The following PTPRD variants were observed in gnomAD, a reference collection of about 807,000 sequenced individuals.
PTPRD encodes receptor-type tyrosine-protein phosphatase delta.
In PTPRD, 34 loss-of-function variants were observed where a neutral mutation model predicts 214.5. That is an observed-to-expected ratio of 0.16 (90% CI 0.12 to 0.21). The LOEUF (loss-of-function observed/expected upper bound fraction) is 0.21. Among genes scored for constraint, PTPRD ranks in the 10% least tolerant of loss-of-function variants. The pLI, the probability that PTPRD is intolerant of heterozygous loss-of-function variation, is 1.00. For missense variants in PTPRD, 2,545 were observed against 2,398.7 expected (o/e 1.06, Z -1.27); for synonymous variants, 1,128 against 845.7 (o/e 1.33, Z -5.79).
chr9:10,439,084 C>T lies in PTPRD; in HGVS notation c.-599-98067G>A, dbSNP rs528329616. ...GTGCTTGTCCGTTGGAGCTTACCTT[C>T]ACTTGCCACTGAGAATTCCTCTGCC... On this transcript the variant is annotated intron_variant, in intron 2 of 45. Coordinates refer to ENST00000381196, the MANE Select transcript of PTPRD (RefSeq NM_002839.4). 2.0e-5 allele frequency among the ~76,000 whole-genome samples: 3 copies of T among 151,962 alleles called. No individual in the cohort carries two copies. In the South Asian group the frequency reaches 6.2e-4, roughly 31 times the overall value.
intron 6 of PTPRD, among the ~76,000 whole-genome samples, chr9:9,743,116 C>A (rs552473751): frequency 2.0e-5 from 3 of 152,138 alleles, no homozygotes; most frequent in Non-Finnish European, 4.4e-5. Flanking sequence ...CTCTCTACAT[C>A]CCCCTGCAAT....
chr9:10,518,631 C>G, intron 2 of PTPRD, among the ~76,000 whole-genome samples: 1 of 151,730 alleles, frequency 6.6e-6, no homozygotes, highest in Non-Finnish European at 1.5e-5. Flanking sequence ...CTCCCAGGTT[C>G]ACGCCATTCT....
chr9:8,442,156 C>T (rs1485829398), intron 34 of PTPRD, among the ~76,000 whole-genome samples: 1 of 152,126 alleles, frequency 6.6e-6, no homozygotes, highest in Non-Finnish European at 1.5e-5. Flanking sequence ...AAAACATGAA[C>T]TAAAGGTATT....
chr9:8,847,138 T>C (rs1371640847), intron 11 of PTPRD, among the ~76,000 whole-genome samples: 1 of 151,938 alleles, frequency 6.6e-6, no homozygotes, highest in East Asian at 1.9e-4. Flanking sequence ...TTTTGAATGA[T>C]AAAATTCAAA....
intron 11 of PTPRD, among the ~76,000 whole-genome samples, chr9:8,794,070 C>A (rs1599986064): frequency 6.6e-6 from 1 of 152,190 alleles, no homozygotes; most frequent in Non-Finnish European, 1.5e-5. Flanking sequence ...CATTACAGTG[C>A]AGCAGCCTGA....
At chr9:9,568,299 A>ATT in intron 8 of PTPRD, among the ~76,000 whole-genome samples, 1 of 152,024 alleles carries the variant, frequency 6.6e-6, no homozygotes, top group African/African-American at 2.4e-5. Flanking sequence ...AGTAGAACAC[A>ATT]TGGAAGACTT....
At chr9:10,247,905 A>G (rs888914892) in intron 3 of PTPRD, among the ~76,000 whole-genome samples, 1 of 151,972 alleles carries the variant, frequency 6.6e-6, no homozygotes. Flanking sequence ...CATAATTCCT[A>G]TGTGTTATGG....
intron 2 of PTPRD, among the ~76,000 whole-genome samples, chr9:10,416,579 A>G (rs887889553): frequency 6.6e-6 from 1 of 151,962 alleles, no homozygotes; most frequent in African/African-American, 2.4e-5. Context: ...ATGAGAAAAC[A>G]AACAGTGAAA....
chr9:8,474,168 T>G (rs2096716252), intron 30 of PTPRD, among the ~76,000 whole-genome samples: 1 of 152,144 alleles, frequency 6.6e-6, no homozygotes, highest in South Asian at 2.1e-4. Flanking sequence ...CAGGTATTTT[T>G]CTTCCACTCT....
In PTPRD at chr9:10,454,306, C is replaced by G. The variant is rs1462196265; in HGVS notation, c.-599-113289G>C. Reference sequence around the variant, plus strand: ...ATAACTACCCTTCTCTATTCCTCACCTAAATCCTTATACTGCTGATGACTT... The same window carrying G: ...ATAACTACCCTTCTCTATTCCTCACGTAAATCCTTATACTGCTGATGACTT... On this transcript the variant is annotated intron_variant, in intron 2 of 45. Coordinates refer to ENST00000381196, the MANE Select transcript of PTPRD (RefSeq NM_002839.4). Among the ~76,000 whole-genome samples the G allele has an allele frequency of 2.0e-5, 3 of 151,510 alleles. No homozygotes were observed. In the East Asian group the frequency reaches 5.8e-4, roughly 29 times the overall value.
intron 11 of PTPRD, among the ~76,000 whole-genome samples, chr9:8,810,671 T>TC (rs1481911203): frequency 1.3e-5 from 2 of 152,202 alleles, no homozygotes; most frequent in African/African-American, 4.8e-5. Context: ...TTTGCCATTC[T>TC]CCAGTTTTTA....
At chr9:8,963,173 A>T (rs1388261326) in intron 11 of PTPRD, 3 of 152,176 alleles carry the variant, frequency 2.0e-5, no homozygotes, top group Admixed American at 1.3e-4. Context: ...CATTTACAGT[A>T]TAAAAAAGGA....
At chr9:8,513,723 T>C (rs1160552500) in intron 21 of PTPRD, among the ~76,000 whole-genome samples, 4 of 152,070 alleles carry the variant, frequency 2.6e-5, no homozygotes, top group African/African-American at 9.7e-5. Flanking sequence ...TACTCCTTTT[T>C]CTTAAGGAGC....
rs900451395 is a variant in PTPRD, at chr9:8,317,749, T to C, written c.*125A>G. 3 of 746,088 alleles carry C rather than the reference T, an allele frequency of 4.0e-6. No homozygotes were observed. The highest frequency in any genetic ancestry group is 7.0e-6 in the Non-Finnish European group (3 of 431,216). The allele number at this position is 746,088 out of a possible 1,614,324, so 46.2% of individuals were successfully genotyped here. On this transcript the variant is annotated 3_prime_UTR_variant, in exon 46 of 46. Coordinates refer to ENST00000381196, the MANE Select transcript of PTPRD (RefSeq NM_002839.4). ...TGTTTTTAATTTGTTTTGTGTGTAA[T>C]AGTCCCACTAAGTAGTTGTTAGCTA...
chr9:9,970,410 C>T (rs1452904035), intron 4 of PTPRD, among the ~76,000 whole-genome samples: 2 of 133,480 alleles, frequency 1.5e-5, no homozygotes, highest in Non-Finnish European at 3.1e-5. Flanking sequence ...AGAGCCTGGG[C>T]GACAGCGAGA....
At chr9:9,381,589 G>T (rs1450024035) in intron 9 of PTPRD, among the ~76,000 whole-genome samples, 1 of 151,900 alleles carries the variant, frequency 6.6e-6, no homozygotes, top group Non-Finnish European at 1.5e-5. Context: ...CCTGGGCTCA[G>T]CAACCTACCC....
chr9:9,949,399 T>G (rs2093189843), intron 4 of PTPRD, among the ~76,000 whole-genome samples: 1 of 152,158 alleles, frequency 6.6e-6, no homozygotes, highest in Non-Finnish European at 1.5e-5. Flanking sequence ...TATGATGTTT[T>G]TTATTTTTAA....
intron 3 of PTPRD, among the ~76,000 whole-genome samples, chr9:10,230,450 A>ATCTC (rs2099605334): frequency 6.6e-6 from 1 of 150,794 alleles, no homozygotes; most frequent in East Asian, 2.0e-4. Context: ...CTATCTATCT[A>ATCTC]TCTATCTATC....
intron 8 of PTPRD, among the ~76,000 whole-genome samples, chr9:9,555,729 A>C (rs987656021): frequency 1.3e-5 from 2 of 152,166 alleles, no homozygotes; most frequent in African/African-American, 4.8e-5. Flanking sequence ...GAATATACAG[A>C]TAAAACTACA....
Sources: allele counts gnomAD v4.1 joint callset (sites outside exome capture counted in the v4.1 genomes callset), GRCh38; gene constraint gnomAD v4.1.1; transcripts MANE v1.5; gene names NCBI Gene and HGNC (gene_info 2026-07-23, HGNC 2026-07-21).